Variants in ZNF385B observed in about 807,000 individuals in gnomAD.
ZNF385B encodes zinc finger protein 533.
ZNF385B carries 23 observed loss-of-function variants against 39.2 expected under a neutral mutation model. The observed-to-expected ratio is 0.59, with a 90% confidence interval of 0.42 to 0.83. ZNF385B has a LOEUF of 0.83. Ranked by LOEUF, ZNF385B falls within the 40% of genes least tolerant of loss-of-function variation. The pLI is 0.00. For synonymous variants in ZNF385B, 205 were observed against 222.6 expected, an observed-to-expected ratio of 0.92 and a Z score of 0.70; for missense variants, 552 against 598.9, an observed-to-expected ratio of 0.92 and a Z score of 0.82.
At position 179,552,640 on chromosome 2, in the gene ZNF385B, C is replaced by T. The variant is rs181831585; in HGVS notation, c.299-7671G>A. On this transcript the variant is annotated intron_variant, in intron 3 of 9. Transcript: ENST00000410066. ...CTCTCATCAGGATAATTGCCATCACCGCATCTCCTCCACTTCTCTCAGCAT... is the reference window on the plus strand; with the variant it reads ...CTCTCATCAGGATAATTGCCATCACTGCATCTCCTCCACTTCTCTCAGCAT... Among the ~76,000 whole-genome samples, 60 of 149,002 alleles carry T rather than the reference C, an allele frequency of 4.0e-4. 2 individuals are homozygous for T. The highest frequency in any genetic ancestry group is 3.0e-3 in the South Asian group (14 of 4,620).
intron 1 of ZNF385B, among the ~76,000 whole-genome samples, chr2:179,809,018 T>C (rs1006192337): frequency 4.6e-5 from 7 of 152,218 alleles, no homozygotes; most frequent in Admixed American, 2.0e-4. Flanking sequence ...TTCTCCTCCA[T>C]GTAGAAGAGA....
intron 1 of ZNF385B, among the ~76,000 whole-genome samples, chr2:179,805,686 T>C (rs1257163059): frequency 1.3e-5 from 2 of 152,124 alleles, no homozygotes; most frequent in Admixed American, 1.3e-4. Context: ...TAGGATCCAG[T>C]TAAGGATTAA....
At chr2:179,452,176 T>C (rs905403484) in intron 6 of ZNF385B, among the ~76,000 whole-genome samples, 17 of 152,172 alleles carry the variant, frequency 1.1e-4, no homozygotes, top group Admixed American at 9.8e-4. Context: ...TTCAAAGTAG[T>C]GTCCTTGGGA....
intron 3 of ZNF385B, among the ~76,000 whole-genome samples, chr2:179,592,639 A>G (rs1687663544): frequency 6.6e-6 from 1 of 152,190 alleles, no homozygotes; most frequent in South Asian, 2.1e-4. Flanking sequence ...ACAGAAAAGA[A>G]TATAATATGA....
intron 6 of ZNF385B, among the ~76,000 whole-genome samples, chr2:179,481,603 G>A (rs1426812192): frequency 1.3e-5 from 2 of 152,046 alleles, no homozygotes; most frequent in South Asian, 2.1e-4. Flanking sequence ...CAGTAGCAAC[G>A]TTGTAACATG....
chr2:179,600,788 C>T (rs1201641918), intron 3 of ZNF385B, among the ~76,000 whole-genome samples: 1 of 152,170 alleles, frequency 6.6e-6, no homozygotes, highest in Non-Finnish European at 1.5e-5. Context: ...CAAGAACCAA[C>T]CCCGTGTTAT....
At chr2:179,486,695 G>A (rs959442854) in intron 5 of ZNF385B, among the ~76,000 whole-genome samples, 4 of 152,126 alleles carry the variant, frequency 2.6e-5, no homozygotes, top group Non-Finnish European at 5.9e-5. Flanking sequence ...AAGGAGTATC[G>A]CCTGAGCTTG....
chr2:179,496,277 A>G (rs2056194324), intron 5 of ZNF385B, among the ~76,000 whole-genome samples: 1 of 152,188 alleles, frequency 6.6e-6, no homozygotes, highest in Admixed American at 6.5e-5. Context: ...CTATTTGAAA[A>G]TACATGGAGA....
intron 1 of ZNF385B, among the ~76,000 whole-genome samples, chr2:179,783,473 T>C (rs1393246212): frequency 6.6e-6 from 1 of 152,024 alleles, no homozygotes; most frequent in Non-Finnish European, 1.5e-5. Flanking sequence ...AAAACAAAAA[T>C]TGCCAAGTGG....
Position 179,446,529 on chromosome 2 carries a change from G to GTTGTGTGCC in ZNF385B, c.948_956dup (p.His318_Asn319insLysAlaHis), listed in dbSNP as rs760162008. 1 of 1,613,410 alleles carries GTTGTGTGCC rather than the reference G, an allele frequency of 6.2e-7. No homozygotes were observed. The highest frequency in any genetic ancestry group is 8.5e-7 in the Non-Finnish European group (1 of 1,179,664). ...ATGCAAAAGATAGCTGCTAACCTGT[G>GTTGTGTGCC]TTGTGTGCCTCTAGCTGTGACAGGG... is the stretch of plus-strand genomic sequence containing the variant. On this transcript the variant is annotated inframe_insertion, in exon 7 of 10. Transcript: ENST00000410066.
chr2:179,623,992 C>T (rs966277738), intron 3 of ZNF385B, among the ~76,000 whole-genome samples: 8 of 152,124 alleles, frequency 5.3e-5, no homozygotes, highest in Admixed American at 3.3e-4. Context: ...AAATTGGCAG[C>T]CTGGTAGTTG....
intron 3 of ZNF385B, among the ~76,000 whole-genome samples, chr2:179,632,259 C>T (rs1206153903): frequency 6.6e-6 from 1 of 152,186 alleles, no homozygotes; most frequent in Non-Finnish European, 1.5e-5. Flanking sequence ...TTCTTCTCAG[C>T]ACCACATCAC....
At chr2:179,668,229 A>G (rs767631507) in intron 3 of ZNF385B, among the ~76,000 whole-genome samples, 12 of 152,232 alleles carry the variant, frequency 7.9e-5, no homozygotes, top group Non-Finnish European at 1.6e-4. Context: ...ATAGTACTGA[A>G]TTAATCTTTT....
chr2:179,841,871 C>A (rs2106616070), intron 1 of ZNF385B, among the ~76,000 whole-genome samples: 1 of 152,224 alleles, frequency 6.6e-6, no homozygotes, highest in South Asian at 2.1e-4. Flanking sequence ...GCAAAACACC[C>A]CAATGGCAAT....
intron 1 of ZNF385B, among the ~76,000 whole-genome samples, chr2:179,810,977 A>G (rs1706697461): frequency 6.6e-6 from 1 of 152,172 alleles, no homozygotes; most frequent in Non-Finnish European, 1.5e-5. Context: ...CACAAAATCA[A>G]TGTAGAAAAA....
chr2:179,650,105 A>T (rs577759933), intron 3 of ZNF385B, among the ~76,000 whole-genome samples: 1 of 152,356 alleles, frequency 6.6e-6, no homozygotes, highest in Admixed American at 6.5e-5. Flanking sequence ...CCTCATATAC[A>T]TAGCCAGTTC....
At chr2:179,645,649 T>A (rs3106693) in intron 3 of ZNF385B, among the ~76,000 whole-genome samples, 110,203 of 152,042 alleles carry the variant, frequency 0.72, 40,251 homozygotes, top group African/African-American at 0.81. Context: ...GCTTATGCGA[T>A]CTAAAGTGCC....
At chr2:179,729,107 C>A in intron 3 of ZNF385B, among the ~76,000 whole-genome samples, 1 of 130,690 alleles carries the variant, frequency 7.7e-6, no homozygotes, top group Non-Finnish European at 1.6e-5. Context: ...TTAAAGAAAA[C>A]TAATGAAAAT....
chr2:179,732,989 C>T lies in ZNF385B; in HGVS notation c.298+36514G>A, dbSNP rs371371728. 3.9e-5 allele frequency among the ~76,000 whole-genome samples: 6 copies of T among 152,238 alleles called. No individual in the cohort carries two copies. In the South Asian group the frequency reaches 1.2e-3, roughly 32 times the overall value. On this transcript the variant is annotated intron_variant, in intron 3 of 9. Coordinates refer to ENST00000410066, the MANE Select transcript of ZNF385B (RefSeq NM_152520.6). ...AACACAAAGCTGAAATTCCCCAAGA[C>T]CCTTAATGTTTTACATAGACACTCA...
Sources: gnomAD v4.1 joint callset for allele counts (sites outside exome capture counted in the v4.1 genomes callset) on GRCh38, gnomAD v4.1.1 for gene constraint, MANE v1.5 for transcripts, NCBI Gene and HGNC (gene_info 2026-07-23, HGNC 2026-07-21) for gene names.